TRPM3: variants seen among roughly 807,000 people sequenced by gnomAD.
TRPM3 encodes long transient receptor potential channel 3.
TRPM3 carries 77 observed loss-of-function variants against 181.2 expected under a neutral mutation model. The ratio of observed to expected loss-of-function variants is 0.42; its 90% CI spans 0.35 to 0.51. The LOEUF is 0.51. Among genes scored for constraint, TRPM3 ranks in the 20% least tolerant of loss-of-function variants. The pLI is 0.01. For missense variants in TRPM3, 1,759 were observed against 2,196.7 expected, an observed-to-expected ratio of 0.80 and a Z score of 3.98; for synonymous variants, 745 against 796.4, an observed-to-expected ratio of 0.94 and a Z score of 1.09.
At chr9:70,823,124 T>G (rs1270473513) in intron 6 of TRPM3, among the ~76,000 whole-genome samples, 2 of 151,980 alleles carry the variant, frequency 1.3e-5, no homozygotes, top group Non-Finnish European at 2.9e-5. Context: ...TCCCCTGCAG[T>G]GCTCCCCCCG....
At chr9:71,108,982 A>C (rs923704636) in intron 1 of TRPM3, among the ~76,000 whole-genome samples, 1 of 152,192 alleles carries the variant, frequency 6.6e-6, no homozygotes, top group Non-Finnish European at 1.5e-5. Flanking sequence ...ATTACTCTCC[A>C]TTATGTGGGT....
At chr9:71,266,863 T>C (rs1443973512) in intron 1 of TRPM3, among the ~76,000 whole-genome samples, 1 of 152,120 alleles carries the variant, frequency 6.6e-6, no homozygotes, top group Non-Finnish European at 1.5e-5. Flanking sequence ...ACTAACACAT[T>C]GTTTGTCTTT....
rs552098756 is a variant in TRPM3 at position 70,981,652 on chromosome 9, T to C, written c.178-117141A>G. ...TGATAATAATAGGTCCTAAATTATA[T>C]GGGTATTGGGAGGATGAAATGAGGT... On this transcript the variant is annotated intron_variant, in intron 1 of 25. Transcript: ENST00000677713. Among the ~76,000 whole-genome samples the C allele has an allele frequency of 7.9e-5, 12 of 152,270 alleles. No homozygotes were observed. In the East Asian group the frequency reaches 2.1e-3, roughly 27 times the overall value.
intron 1 of TRPM3, among the ~76,000 whole-genome samples, chr9:71,248,798 G>A (rs771535894): frequency 7.9e-5 from 12 of 151,940 alleles, no homozygotes; most frequent in Admixed American, 7.9e-4. Context: ...CAACCTCCCT[G>A]AGCATCATGA....
At chr9:71,376,520 A>G (rs1675908536) in intron 1 of TRPM3, among the ~76,000 whole-genome samples, 2 of 152,068 alleles carry the variant, frequency 1.3e-5, no homozygotes, top group Admixed American at 6.6e-5. Context: ...CCTAGTTAGG[A>G]TAATAGAATA....
chr9:70,538,813 A>G (rs1036503048), intron 25 of TRPM3, among the ~76,000 whole-genome samples: 3 of 152,194 alleles, frequency 2.0e-5, no homozygotes, highest in Non-Finnish European at 4.4e-5. Context: ...GGTCAATGAC[A>G]TTTACGAACT....
At chr9:71,286,228 G>A (rs2085269343) in intron 1 of TRPM3, among the ~76,000 whole-genome samples, 1 of 152,180 alleles carries the variant, frequency 6.6e-6, no homozygotes, top group Admixed American at 6.5e-5. Context: ...CAATCAACTT[G>A]TTGATAAATC....
At chr9:70,961,873 G>T (rs2097139631) in intron 1 of TRPM3, among the ~76,000 whole-genome samples, 1 of 152,018 alleles carries the variant, frequency 6.6e-6, no homozygotes, top group Non-Finnish European at 1.5e-5. Context: ...TGCTCAAGTA[G>T]ACTCTCTTTT....
At chr9:70,906,770 G>A (rs967078952) in intron 1 of TRPM3, among the ~76,000 whole-genome samples, 2 of 152,130 alleles carry the variant, frequency 1.3e-5, no homozygotes, top group Admixed American at 6.5e-5. Flanking sequence ...GGGCGCGGTG[G>A]CAGGCACCTA....
At chr9:71,301,193 C>A (rs1355054321) in intron 1 of TRPM3, among the ~76,000 whole-genome samples, 4 of 152,148 alleles carry the variant, frequency 2.6e-5, no homozygotes, top group African/African-American at 9.7e-5. Flanking sequence ...GGCAAGAGAT[C>A]TCACCTCATT....
chr9:70,543,378 CA>C (rs2043990608), intron 25 of TRPM3, among the ~76,000 whole-genome samples: 1 of 152,126 alleles, frequency 6.6e-6, no homozygotes, highest in Non-Finnish European at 1.5e-5. Context: ...TAAAAATATA[CA>C]ATGAAGTTAT....
exon 1 of TRPM3, chr9:71,446,835 T>A (rs1390330748): frequency 3.2e-6 from 5 of 1,538,856 alleles, no homozygotes; most frequent in Non-Finnish European, 4.4e-6. Flanking sequence ...TTCTTCCCCA[T>A]GAGAAGTTCG....
intron 6 of TRPM3, among the ~76,000 whole-genome samples, chr9:70,785,813 C>T (rs138588248): frequency 6.6e-6 from 1 of 152,136 alleles, no homozygotes; most frequent in African/African-American, 2.4e-5. Context: ...ATCCAAAATG[C>T]CAGTTACACA....
chr9:71,222,796 G>A (rs1020807350), intron 1 of TRPM3, among the ~76,000 whole-genome samples: 10 of 152,116 alleles, frequency 6.6e-5, no homozygotes, highest in South Asian at 2.1e-4. Flanking sequence ...ATTGGAACTC[G>A]GTGCTACCAA....
chr9:71,361,934 A>G (rs1173565669), intron 1 of TRPM3, among the ~76,000 whole-genome samples: 1 of 152,194 alleles, frequency 6.6e-6, no homozygotes, highest in East Asian at 1.9e-4. Flanking sequence ...TAGTGTGTAA[A>G]AAGAGATGAA....
Position 71,271,875 on chromosome 9 carries a change from TGAG to T in TRPM3, c.183+174775_183+174777del, listed in dbSNP as rs1368872562. 4.0e-3 allele frequency among the ~76,000 whole-genome samples: 613 copies of T among 152,236 alleles called. 2 individuals carry two copies. The highest frequency in any genetic ancestry group is 0.014 in the African/African-American group (589 of 41,542). On this transcript the variant is annotated intron_variant, in intron 1 of 24. Coordinates refer to the TRPM3 transcript ENST00000357533. ...AAGAAAGGGGCAAACTGTAGAGTGA[TGAG>T]AAGAGAAAAAAAGATAAAGATCTAT... is the stretch of plus-strand genomic sequence containing the variant.
chr9:70,740,455 T>G (rs1345795095), intron 8 of TRPM3, among the ~76,000 whole-genome samples: 1 of 148,110 alleles, frequency 6.8e-6, no homozygotes, highest in African/African-American at 2.4e-5. Flanking sequence ...CCACCATCAT[T>G]CTTCACAGAC....
chr9:71,304,456 T>G (rs1588397918), intron 1 of TRPM3, among the ~76,000 whole-genome samples: 1 of 152,254 alleles, frequency 6.6e-6, no homozygotes, highest in East Asian at 1.9e-4. Flanking sequence ...AAGCACACTC[T>G]CACAAGGCAT....
intron 1 of TRPM3, among the ~76,000 whole-genome samples, chr9:71,223,372 G>A (rs1193386797): frequency 6.6e-6 from 1 of 152,144 alleles, no homozygotes; most frequent in East Asian, 1.9e-4. Context: ...TGACATAAAA[G>A]CCTTGAGGCC....
Sources: gnomAD v4.1 joint callset for allele counts (sites outside exome capture counted in the v4.1 genomes callset) on GRCh38, gnomAD v4.1.1 for gene constraint, MANE v1.5 for transcripts, NCBI Gene and HGNC (gene_info 2026-07-23, HGNC 2026-07-21) for gene names.